The following ZBBX variants were observed in gnomAD, a reference collection of about 807,000 sequenced individuals.
ZBBX encodes the protein zinc finger B-box domain containing.
Under a neutral mutation model 108.5 loss-of-function variants are expected in ZBBX, and 101 were observed. The ratio of observed to expected loss-of-function variants is 0.93; its 90% CI spans 0.79 to 1.10. The LOEUF is 1.10. Among genes scored for constraint, ZBBX ranks in the 50% least tolerant of loss-of-function variants. ZBBX has a pLI of 0.00. For synonymous variants in ZBBX, 356 were observed against 323.4 expected, an observed-to-expected ratio of 1.10 and a Z score of -1.08; for missense variants, 1,009 against 941.4, an observed-to-expected ratio of 1.07 and a Z score of -0.94.
chr3:167,407,291 G>T (rs1051903034), intron 1 of ZBBX, among the ~76,000 whole-genome samples: 19 of 152,170 alleles, frequency 1.2e-4, no homozygotes, highest in Non-Finnish European at 8.8e-5. Context: ...ATGATTTTTT[G>T]ATATTAATGC....
intron 1 of ZBBX, among the ~76,000 whole-genome samples, chr3:167,395,083 T>C (rs528634262): frequency 6.6e-5 from 10 of 152,040 alleles, no homozygotes; most frequent in Non-Finnish European, 1.2e-4. Context: ...CCTAACATTT[T>C]CTCTTTTACT....
intron 12 of ZBBX, among the ~76,000 whole-genome samples, chr3:167,318,935 GA>G (rs928635202): frequency 7.6e-4 from 115 of 150,422 alleles, no homozygotes; most frequent in African/African-American, 2.6e-3. Context: ...TCAAACAAAA[GA>G]AAAAAAAACT....
intron 1 of ZBBX, among the ~76,000 whole-genome samples, chr3:167,386,289 T>G (rs2108634868): frequency 6.6e-6 from 1 of 152,198 alleles, no homozygotes; most frequent in South Asian, 2.1e-4. Flanking sequence ...TCCTGCATCT[T>G]TAAAATAAAA....
At chr3:167,344,177 G>A (rs1293830229) in intron 9 of ZBBX, among the ~76,000 whole-genome samples, 1 of 151,822 alleles carries the variant, frequency 6.6e-6, no homozygotes, top group Non-Finnish European at 1.5e-5. Context: ...CTAATCTAGA[G>A]AGAGAGAAAG....
intron 16 of ZBBX, among the ~76,000 whole-genome samples, chr3:167,311,862 G>C (rs1165057504): frequency 6.6e-6 from 1 of 152,102 alleles, no homozygotes; most frequent in Non-Finnish European, 1.5e-5. Context: ...ACTTTGGTAA[G>C]ACTGTTTGGC....
At chr3:167,229,791 G>T in the ZBBX span, among the ~76,000 whole-genome samples, 3 of 151,750 alleles carry the variant, frequency 2.0e-5, no homozygotes, top group African/African-American at 7.3e-5. Context: ...AATATCTACT[G>T]GGTTGAGGAC....
the ZBBX span, among the ~76,000 whole-genome samples, chr3:167,229,982 C>A: frequency 6.6e-6 from 1 of 151,804 alleles, no homozygotes; most frequent in Non-Finnish European, 1.5e-5. Flanking sequence ...TTTAAACATT[C>A]ATTGAAGTGG....
At chr3:167,385,180 C>A (rs1747873771), upstream of ZBBX, among the ~76,000 whole-genome samples, 1 of 151,870 alleles carries the variant, frequency 6.6e-6, no homozygotes, top group Non-Finnish European at 1.5e-5. Context: ...CTGACACAAA[C>A]CTAGATGTTA....
At chr3:167,314,483 T>C (rs561375089) in intron 15 of ZBBX, among the ~76,000 whole-genome samples, 34 of 152,318 alleles carry the variant, frequency 2.2e-4, no homozygotes, top group African/African-American at 7.7e-4. Context: ...TAGATAAACA[T>C]ATTATTTGTT....
intron 20 of ZBBX, among the ~76,000 whole-genome samples, chr3:167,245,297 A>G (rs1250854488): frequency 6.6e-6 from 1 of 152,144 alleles, no homozygotes; most frequent in Non-Finnish European, 1.5e-5. Context: ...CGGGAGGCGG[A>G]GCTTGCAGTG....
chr3:167,266,630 A>G (rs1296536724), intron 20 of ZBBX, among the ~76,000 whole-genome samples: 2 of 152,160 alleles, frequency 1.3e-5, no homozygotes, highest in Non-Finnish European at 2.9e-5. Flanking sequence ...GGGGAAGAAC[A>G]CAGAAATAGG....
chr3:167,310,392 C>G (rs1009944159), intron 16 of ZBBX, among the ~76,000 whole-genome samples: 1 of 152,154 alleles, frequency 6.6e-6, no homozygotes, highest in African/African-American at 2.4e-5. Flanking sequence ...ATCTTTACAG[C>G]ACTACTTCAC....
At chr3:167,235,914 C>A (rs1279979635), downstream of ZBBX, among the ~76,000 whole-genome samples, 1 of 151,750 alleles carries the variant, frequency 6.6e-6, no homozygotes, top group Non-Finnish European at 1.5e-5. Flanking sequence ...AGGGGATAAA[C>A]TACAGGCACA....
At chr3:167,246,693 T>C (rs115698541) in intron 20 of ZBBX, among the ~76,000 whole-genome samples, 31 of 152,356 alleles carry the variant, frequency 2.0e-4, no homozygotes, top group African/African-American at 7.5e-4. Flanking sequence ...AAGTGCATTA[T>C]TACTAATACT....
At chr3:167,214,348 A>G in the ZBBX span, among the ~76,000 whole-genome samples, 2 of 152,248 alleles carry the variant, frequency 1.3e-5, no homozygotes, top group South Asian at 4.1e-4. Context: ...TTGCTATCCT[A>G]ATTTCAGACA....
intron 20 of ZBBX, among the ~76,000 whole-genome samples, chr3:167,271,863 T>C (rs1054126991): frequency 1.3e-5 from 2 of 152,332 alleles, no homozygotes; most frequent in Middle Eastern, 3.4e-3. Flanking sequence ...AGCTATTCCC[T>C]TTTCAAATGC....
intron 20 of ZBBX, among the ~76,000 whole-genome samples, chr3:167,268,418 A>C (rs766836841): frequency 6.6e-6 from 1 of 151,990 alleles, no homozygotes; most frequent in African/African-American, 2.4e-5. Context: ...CGCAGATCAA[A>C]AGCTTCCTGG....
At chr3:167,372,079 C>T (rs953378987) in intron 4 of ZBBX, among the ~76,000 whole-genome samples, 2 of 152,108 alleles carry the variant, frequency 1.3e-5, no homozygotes, top group African/African-American at 2.4e-5. Flanking sequence ...GGCATGGTAG[C>T]GTGCGCCTGT....
chr3:167,323,248 GGGAA>G (rs1172782801), intron 11 of ZBBX, among the ~76,000 whole-genome samples: 5 of 145,292 alleles, frequency 3.4e-5, no homozygotes, highest in African/African-American at 1.0e-4. Flanking sequence ...AGGGGGGGGG[GGGAA>G]AGAACTCTTT....
Sources: gnomAD v4.1 joint callset for allele counts (sites outside exome capture counted in the v4.1 genomes callset) on GRCh38, gnomAD v4.1.1 for gene constraint, MANE v1.5 for transcripts, NCBI Gene and HGNC (gene_info 2026-07-23, HGNC 2026-07-21) for gene names.